The following DMD variants were observed in gnomAD, a reference collection of about 807,000 sequenced individuals.
The protein encoded by DMD is dystrophin.
A neutral mutation model predicts 330.1 loss-of-function variants in DMD; 63 were observed. The ratio of observed to expected loss-of-function variants is 0.19; its 90% CI spans 0.16 to 0.24. DMD has a LOEUF of 0.24. DMD is among the 10% of genes least tolerant of loss of function. The pLI is 1.00. For synonymous variants in DMD, 1,223 were observed against 959.8 expected, an observed-to-expected ratio of 1.27 and a Z score of -5.07; for missense variants, 3,344 against 2,684.1, an observed-to-expected ratio of 1.25 and a Z score of -5.43.
intron 42 of DMD, among the ~76,000 whole-genome samples, chrX:32,291,481 A>C (rs1053434767): frequency 2.4e-4 from 27 of 112,139 alleles, no homozygotes; most frequent in Admixed American, 1.9e-4. Flanking sequence ...AAAGTTCATT[A>C]ATTGAATCAA....
In DMD at chrX:32,991,494, A is replaced by C. The variant is rs185333362; in HGVS notation, c.93+28645T>G. On this transcript the variant is annotated intron_variant, in intron 2 of 78. Coordinates refer to ENST00000357033, the MANE Select transcript of DMD (RefSeq NM_004006.3). ...CACTAAAACCATGTGACTACTGAGCACTTCAAATGTAGCTAGCAAAATGGA... is the reference window on the plus strand; with the variant it reads ...CACTAAAACCATGTGACTACTGAGCCCTTCAAATGTAGCTAGCAAAATGGA... Among the ~76,000 whole-genome samples the C allele has an allele frequency of 3.1e-3, 351 of 112,191 alleles. 4 individuals carry two copies. The highest frequency in any genetic ancestry group is 0.011 in the African/African-American group (334 of 30,972).
chrX:32,317,159 C>A (rs1603630607), intron 41 of DMD, among the ~76,000 whole-genome samples: 1 of 111,095 alleles, frequency 9.0e-6, no homozygotes, highest in Admixed American at 9.6e-5. Flanking sequence ...GCATCATTAG[C>A]AAGGAAATGC....
At chrX:32,290,643 T>C (rs2097463224) in intron 42 of DMD, among the ~76,000 whole-genome samples, 1 of 112,389 alleles carries the variant, frequency 8.9e-6, no homozygotes, top group South Asian at 3.6e-4. Context: ...GTTATTTTGA[T>C]CATCTAAATT....
At chrX:32,497,609 C>A in intron 19 of DMD, among the ~76,000 whole-genome samples, 1 of 112,085 alleles carries the variant, frequency 8.9e-6, no homozygotes, top group Admixed American at 9.5e-5. Context: ...TTGGTAATTT[C>A]AGTATTAATA....
rs948590366 is a variant in DMD, at chrX:31,627,780, A to G, written c.8110T>C (p.Trp2704Arg). ...FPLDLEKFLA[W>R]LTEAETTANV... Reference sequence around the variant, plus strand: ...GCAGTTGTTTCAGCTTCTGTAAGCCAGGCAAGAAACTTTTCCAGGTCCAGG... The same window carrying G: ...GCAGTTGTTTCAGCTTCTGTAAGCCGGGCAAGAAACTTTTCCAGGTCCAGG... Residue 2704 changes from tryptophan (W) to arginine (R), a missense_variant, in exon 55 of 79, where the codon TGG (tryptophan) becomes CGG (arginine). By Grantham distance (101) the Trp-to-Arg change is moderately radical. Coordinates refer to ENST00000357033, the MANE Select transcript of DMD (RefSeq NM_004006.3). The G allele has an allele frequency of 8.3e-6, 10 of 1,211,345 alleles. No homozygotes were observed. The highest frequency in any genetic ancestry group is 1.1e-5 in the Non-Finnish European group (10 of 895,269).
chrX:32,472,219 G>C lies in DMD; in HGVS notation c.2894C>G (p.Pro965Arg). 8.3e-7 allele frequency: 1 copy of C among 1,210,777 alleles called. No individual in the cohort carries two copies. The highest frequency in any genetic ancestry group is 1.1e-6 in the Non-Finnish European group (1 of 894,776). ...TTCATAGTCGGTGACACTAAGTTGAGGTATGGAGAGTTTGGTTTCTGACTG... is the reference window on the plus strand; with the variant it reads ...TTCATAGTCGGTGACACTAAGTTGACGTATGGAGAGTTTGGTTTCTGACTG... ...VQQSETKLSIPQLSVTDYEIM... is the reference protein window; with the variant it reads ...VQQSETKLSIRQLSVTDYEIM... The change falls in exon 22 of 79, where the codon CCT becomes CGT. Residue 965 changes from proline to arginine, a missense_variant. Coordinates refer to ENST00000357033, the MANE Select transcript of DMD (RefSeq NM_004006.3).
intron 1 of DMD, among the ~76,000 whole-genome samples, chrX:33,233,744 C>T (rs1424804757): frequency 9.0e-6 from 1 of 111,046 alleles, no homozygotes; most frequent in African/African-American, 3.3e-5. Flanking sequence ...TCGTGGTGGA[C>T]GCACTAATCT....
chrX:31,991,288 G>A (rs2095548625), intron 44 of DMD, among the ~76,000 whole-genome samples: 1 of 111,346 alleles, frequency 9.0e-6, no homozygotes, highest in Non-Finnish European at 1.9e-5. Flanking sequence ...GGATTGGAAT[G>A]GATAATGTGA....
At chrX:31,670,014 T>C (rs745787727) in intron 53 of DMD, among the ~76,000 whole-genome samples, 3 of 111,831 alleles carry the variant, frequency 2.7e-5, no homozygotes, top group East Asian at 5.6e-4. Flanking sequence ...TTCTTCAGTA[T>C]ACAAGCCTTG....
At chrX:32,424,471 A>C (rs751405380) in intron 29 of DMD, among the ~76,000 whole-genome samples, 2 of 111,599 alleles carry the variant, frequency 1.8e-5, no homozygotes, top group Non-Finnish European at 3.8e-5. Flanking sequence ...AGTGAGCCTA[A>C]ATTGTTAACT....
At chrX:31,346,915 A>T (rs1464371955) in intron 61 of DMD, among the ~76,000 whole-genome samples, 1 of 98,160 alleles carries the variant, frequency 1.0e-5, no homozygotes, top group Non-Finnish European at 2.0e-5. Context: ...GCAGGAGAAT[A>T]GTTTGAACCC....
At chrX:32,369,173 G>C (rs1424656226) in intron 34 of DMD, among the ~76,000 whole-genome samples, 1 of 111,631 alleles carries the variant, frequency 9.0e-6, no homozygotes, top group Non-Finnish European at 1.9e-5. Flanking sequence ...GATAGCTCCA[G>C]TATAAATAGT....
chrX:32,334,789 C>A (rs1401102764), intron 41 of DMD, among the ~76,000 whole-genome samples: 2 of 111,860 alleles, frequency 1.8e-5, no homozygotes, highest in Non-Finnish European at 3.8e-5. Flanking sequence ...TAGAATCTAA[C>A]CCCTTCATAG....
At chrX:33,019,021 A>G (rs892300262) in intron 2 of DMD, among the ~76,000 whole-genome samples, 2 of 112,085 alleles carry the variant, frequency 1.8e-5, no homozygotes, top group Non-Finnish European at 3.8e-5. Flanking sequence ...AGTAAGTTAA[A>G]TTAAAGAGTA....
intron 55 of DMD, among the ~76,000 whole-genome samples, chrX:31,548,247 A>G (rs1000380504): frequency 4.5e-5 from 5 of 111,879 alleles, no homozygotes; most frequent in African/African-American, 9.7e-5. Flanking sequence ...GCTGGTTAGC[A>G]ATGCAGAATC....
chrX:32,043,746 T>C (rs1481876435), intron 44 of DMD, among the ~76,000 whole-genome samples: 1 of 111,867 alleles, frequency 8.9e-6, no homozygotes, highest in Non-Finnish European at 1.9e-5. Context: ...AGTGATGCAA[T>C]AAACCAGGAG....
chrX:32,274,981 C>T (rs930141301), intron 43 of DMD, among the ~76,000 whole-genome samples: 1 of 111,683 alleles, frequency 9.0e-6, no homozygotes, highest in Non-Finnish European at 1.9e-5. Flanking sequence ...TCACACAATT[C>T]ATTTTGGGTT....
intron 21 of DMD, among the ~76,000 whole-genome samples, chrX:32,480,813 T>G (rs1048776396): frequency 1.8e-5 from 2 of 110,919 alleles, no homozygotes; most frequent in African/African-American, 6.5e-5. Flanking sequence ...ATGTCTGCTA[T>G]GCTTGCTCTT....
intron 29 of DMD, among the ~76,000 whole-genome samples, chrX:32,423,976 T>C (rs769418554): frequency 3.1e-3 from 351 of 111,585 alleles, no homozygotes; most frequent in African/African-American, 0.011. Flanking sequence ...GAAAATAGCA[T>C]ACACATTCAT....
Sources: gnomAD v4.1 joint callset for allele counts (sites outside exome capture counted in the v4.1 genomes callset) on GRCh38, gnomAD v4.1.1 for gene constraint, MANE v1.5 for transcripts, NCBI Gene and HGNC (gene_info 2026-07-23, HGNC 2026-07-21) for gene names.